Variants in TSHZ2 observed in about 807,000 individuals in gnomAD.
The protein encoded by TSHZ2 is teashirt zinc finger homeobox 2.
In TSHZ2, 21 loss-of-function variants were observed where a neutral mutation model predicts 74.4. The observed-to-expected ratio is 0.28, with a 90% CI of 0.20 to 0.41. The LOEUF (loss-of-function observed/expected upper bound fraction) is 0.41. Among genes scored for constraint, TSHZ2 ranks in the 10% least tolerant of loss-of-function variants. The probability of loss-of-function intolerance (pLI) is 1.00; values close to 1 mark genes in which losing one functional copy is unlikely to be tolerated. For missense variants in TSHZ2, 1,244 were observed against 1,293.5 expected, an observed-to-expected ratio of 0.96 and a Z score of 0.59; for synonymous variants, 540 against 515.3, an observed-to-expected ratio of 1.05 and a Z score of -0.65.
intron 2 of TSHZ2, among the ~76,000 whole-genome samples, chr20:53,322,989 C>A (rs1310089048): frequency 6.6e-6 from 1 of 152,154 alleles, no homozygotes; most frequent in Admixed American, 6.5e-5. Context: ...AAGAAGGTAA[C>A]CAGCCTTCCC....
chr20:53,442,204 G>A (rs934114888), intron 2 of TSHZ2, among the ~76,000 whole-genome samples: 1 of 152,114 alleles, frequency 6.6e-6, no homozygotes, highest in Non-Finnish European at 1.5e-5. Context: ...GTGTAAAGGA[G>A]ACAGTTCTGT....
At position 53,331,284 on chromosome 20, in the gene TSHZ2, C is replaced by T. The variant is rs185357719; in HGVS notation, c.*8+74713C>T. On this transcript the variant is annotated intron_variant, in intron 2 of 2. Coordinates refer to ENST00000371497, the MANE Select transcript of TSHZ2 (RefSeq NM_173485.6). ...TGAGAAATTTATAGGGCAGCTTGAA[C>T]GGAAGGTAGTAACTAACCAGGGAGA... Among the ~76,000 whole-genome samples, 6 of 152,264 alleles carry T rather than the reference C, an allele frequency of 3.9e-5. No homozygotes were observed. In the East Asian group the frequency reaches 5.8e-4, roughly 15 times the overall value.
chr20:53,439,561 C>A (rs183792633), intron 2 of TSHZ2, among the ~76,000 whole-genome samples: 17 of 152,270 alleles, frequency 1.1e-4, no homozygotes, highest in African/African-American at 4.1e-4. Flanking sequence ...AGGACAGGAA[C>A]ACTTGAGTCT....
At chr20:53,252,017 CTCTG>C (rs1239436446) in intron 1 of TSHZ2, among the ~76,000 whole-genome samples, 1 of 152,204 alleles carries the variant, frequency 6.6e-6, no homozygotes, top group African/African-American at 2.4e-5. Flanking sequence ...CAGTTTCCCC[CTCTG>C]TGAAATGAAA....
At chr20:53,252,568 T>C (rs1295044695) in intron 1 of TSHZ2, among the ~76,000 whole-genome samples, 4 of 152,236 alleles carry the variant, frequency 2.6e-5, no homozygotes, top group African/African-American at 4.8e-5. Flanking sequence ...GGCTCACTCA[T>C]GTCTTCATTT....
In TSHZ2 at chr20:53,489,233, T is replaced by A. The variant is rs780065742; in HGVS notation, c.*2098T>A. 2.2e-6 allele frequency: 1 copy of A among 455,010 alleles called. No homozygotes were observed. The highest frequency in any genetic ancestry group is 4.4e-6 in the Non-Finnish European group (1 of 226,140). 28.2% of individuals were successfully genotyped at this position (455,010 alleles called of 1,614,324 possible). ...AAGGTGCTGATATTATTTTTTATGA[T>A]GGGAGGATCATAAAGTGAATTGAGA... On this transcript the variant is annotated 3_prime_UTR_variant, in exon 3 of 3. Coordinates refer to ENST00000371497, the MANE Select transcript of TSHZ2 (RefSeq NM_173485.6).
At chr20:53,105,792 A>G (rs2123306411) in intron 1 of TSHZ2, among the ~76,000 whole-genome samples, 1 of 152,042 alleles carries the variant, frequency 6.6e-6, no homozygotes, top group East Asian at 1.9e-4. Flanking sequence ...GACTGCAGGC[A>G]CACCCCACCA....
rs1456588984 is a variant in TSHZ2, at chr20:53,254,786, C to T, written c.1328C>T (p.Pro443Leu). 6.2e-7 allele frequency: 1 copy of T among 1,613,296 alleles called. No individual in the cohort carries two copies. The highest frequency in any genetic ancestry group is 8.5e-7 in the Non-Finnish European group (1 of 1,179,494). Residue 443 changes from proline to leucine, a missense_variant, in exon 2 of 3, where the codon CCC (proline) becomes CTC (leucine). Transcript: ENST00000371497. ...GCCCCAAACAGTGATTCTCTGGCTC[C>T]CAAGCCATCCAGTAACTCAGCATCA... ...SEAPNSDSLA[P>L]KPSSNSASDC...
At chr20:52,986,525 T>C (rs1981769827) in intron 1 of TSHZ2, among the ~76,000 whole-genome samples, 1 of 151,960 alleles carries the variant, frequency 6.6e-6, no homozygotes, top group African/African-American at 2.4e-5. Flanking sequence ...GGTCAGGGGT[T>C]TGAGACCAGC....
intron 1 of TSHZ2, among the ~76,000 whole-genome samples, chr20:53,181,748 C>T (rs573049740): frequency 3.1e-4 from 47 of 152,104 alleles, no homozygotes; most frequent in African/African-American, 1.0e-3. Context: ...ATTAGCCGGG[C>T]GTGGTGGTGG....
intron 2 of TSHZ2, among the ~76,000 whole-genome samples, chr20:53,306,956 T>C (rs1978570760): frequency 6.6e-6 from 1 of 152,208 alleles, no homozygotes; most frequent in Non-Finnish European, 1.5e-5. Context: ...CTCACAGGAA[T>C]TCTAAGAAGT....
At chr20:53,228,192 G>C (rs1262901578) in intron 1 of TSHZ2, among the ~76,000 whole-genome samples, 2 of 151,762 alleles carry the variant, frequency 1.3e-5, no homozygotes. Flanking sequence ...CCCTGGTTTT[G>C]TGAAGTTAGC....
chr20:53,335,958 T>C (rs1456147587), intron 2 of TSHZ2, among the ~76,000 whole-genome samples: 1 of 152,224 alleles, frequency 6.6e-6, no homozygotes, highest in East Asian at 1.9e-4. Flanking sequence ...AATCAGGATA[T>C]TAACGAGTCT....
chr20:53,127,474 G>A (rs1228519103), intron 1 of TSHZ2, among the ~76,000 whole-genome samples: 2 of 152,222 alleles, frequency 1.3e-5, no homozygotes, highest in East Asian at 3.9e-4. Flanking sequence ...CGGAAGCCCA[G>A]GTGTGAGTAT....
chr20:53,195,807 A>G (rs1988848859), intron 1 of TSHZ2, among the ~76,000 whole-genome samples: 2 of 152,190 alleles, frequency 1.3e-5, no homozygotes, highest in Admixed American at 6.5e-5. Flanking sequence ...TTGCCGAACT[A>G]GTATTTCACG....
At chr20:53,409,697 G>A (rs1427071146) in intron 2 of TSHZ2, among the ~76,000 whole-genome samples, 2 of 152,082 alleles carry the variant, frequency 1.3e-5, no homozygotes, top group Non-Finnish European at 2.9e-5. Context: ...TTTTGGAGTC[G>A]AGAATGGAAG....
At chr20:53,134,991 CAT>C (rs200464208) in intron 1 of TSHZ2, among the ~76,000 whole-genome samples, 3,006 of 119,838 alleles carry the variant, frequency 0.025, 90 homozygotes, top group African/African-American at 0.097. Flanking sequence ...CACACACACA[CAT>C]ACATGCACAT....
At chr20:53,364,648 T>G (rs1672967606) in intron 2 of TSHZ2, among the ~76,000 whole-genome samples, 1 of 152,320 alleles carries the variant, frequency 6.6e-6, no homozygotes, top group South Asian at 2.1e-4. Context: ...CCTTGAAAGC[T>G]GCAGAATGGG....
intron 1 of TSHZ2, among the ~76,000 whole-genome samples, chr20:53,036,548 T>C (rs1983825241): frequency 6.7e-6 from 1 of 150,222 alleles, no homozygotes; most frequent in Admixed American, 6.6e-5. Context: ...TAGAAAGAAT[T>C]AGAAATAAAA....
Sources: allele counts gnomAD v4.1 joint callset (sites outside exome capture counted in the v4.1 genomes callset), GRCh38; gene constraint gnomAD v4.1.1; transcripts MANE v1.5; gene names NCBI Gene and HGNC (gene_info 2026-07-23, HGNC 2026-07-21).